The following ZNF395 variants were observed in gnomAD, a reference collection of about 807,000 sequenced individuals.
ZNF395 encodes the protein zinc finger protein 395.
In ZNF395, 20 loss-of-function variants were observed where a neutral mutation model predicts 57.7. The ratio of observed to expected loss-of-function variants is 0.35; its 90% CI spans 0.24 to 0.50. The LOEUF is 0.50. ZNF395 is among the 20% of genes least tolerant of loss of function. The probability of loss-of-function intolerance (pLI) is 0.97; values close to 1 mark genes in which losing one functional copy is unlikely to be tolerated. For missense variants in ZNF395, 606 were observed against 671.2 expected (o/e 0.90, Z 1.07); for synonymous variants, 295 against 275.9 (o/e 1.07, Z -0.69).
intron 1 of ZNF395, among the ~76,000 whole-genome samples, chr8:28,362,748 C>T (rs1347236945): frequency 2.0e-5 from 3 of 152,156 alleles, no homozygotes; most frequent in East Asian, 1.9e-4. Flanking sequence ...AAGGTATGTT[C>T]GCAAACATCT....
chr8:28,352,775 C>T lies in ZNF395; in HGVS notation c.820-102G>A, dbSNP rs773647130. Reference sequence around the variant, plus strand: ...AAACTGGCTGCTGTCCCCGGCCTGACCCAACAAAAACCTCCAGGAAAGGGG... The same window carrying T: ...AAACTGGCTGCTGTCCCCGGCCTGATCCAACAAAAACCTCCAGGAAAGGGG... On this transcript the variant is annotated intron_variant, in intron 5 of 9. Transcript: ENST00000344423. This position sits in a 1 kb window ranked among gnomAD's most constrained non-coding sequence, Gnocchi z 4.0. 35 of 1,007,178 alleles carry T rather than the reference C, an allele frequency of 3.5e-5. 1 individual carries two copies. The highest frequency in any genetic ancestry group is 2.6e-4 in the South Asian group (18 of 68,270). The allele number at this position is 1,007,178 out of a possible 1,614,324, so 62.4% of individuals were successfully genotyped here. A position where few individuals can be genotyped will look rare whatever the true frequency, so the allele number is the denominator to read the frequency against.
chr8:28,384,233 T>C lies in ZNF395; in HGVS notation c.-59+2160A>G, dbSNP rs1673803245. On this transcript the variant is annotated intron_variant, in intron 1 of 9. Coordinates refer to ENST00000344423, the MANE Select transcript of ZNF395 (RefSeq NM_018660.3). ...TCTCCTTAGGACACACAGGGTGGCATGCAATCACCAAAAGGGCTAAGACTT... is the reference window on the plus strand; with the variant it reads ...TCTCCTTAGGACACACAGGGTGGCACGCAATCACCAAAAGGGCTAAGACTT... Among the ~76,000 whole-genome samples the C allele has an allele frequency of 2.0e-5, 3 of 152,154 alleles. No homozygotes were observed. In the East Asian group the frequency reaches 5.8e-4, roughly 29 times the overall value.
intron 1 of ZNF395, among the ~76,000 whole-genome samples, chr8:28,372,546 G>A (rs916444157): frequency 2.6e-5 from 4 of 152,214 alleles, no homozygotes; most frequent in African/African-American, 9.6e-5. Flanking sequence ...CCAGCACTTC[G>A]GGAGGCCGAG....
intron 1 of ZNF395, among the ~76,000 whole-genome samples, chr8:28,369,789 G>GCAGAAAAAGCCCAGCGTCTTTAAACATAT: frequency 6.6e-6 from 1 of 152,358 alleles, no homozygotes; most frequent in Non-Finnish European, 1.5e-5. Context: ...GGGCCCCAGA[G>GCAGAAAAAGCCCAGCGTCTTTAAACATAT]CAGAAAAAGC....
At chr8:28,381,582 C>T (rs1252763318) in intron 1 of ZNF395, among the ~76,000 whole-genome samples, 1 of 152,308 alleles carries the variant, frequency 6.6e-6, no homozygotes, top group East Asian at 1.9e-4. Context: ...AGCTCTTAGT[C>T]TTGGGTGGTA....
chr8:28,373,465 GAAC>G (rs906723459), intron 1 of ZNF395, among the ~76,000 whole-genome samples: 4 of 152,036 alleles, frequency 2.6e-5, no homozygotes, highest in African/African-American at 9.7e-5. Context: ...TGCCTTTAAA[GAAC>G]ATCATGCTTC....
chr8:28,368,069 G>A (rs977322534), intron 1 of ZNF395, among the ~76,000 whole-genome samples: 5 of 152,176 alleles, frequency 3.3e-5, no homozygotes, highest in African/African-American at 7.2e-5. Flanking sequence ...CAGGGGCAGC[G>A]TGCAGTGTGG....
intron 7 of ZNF395, 109 bp from the exon 8 acceptor site, chr8:28,350,265 G>A (rs1398621827): frequency 2.2e-6 from 2 of 904,942 alleles, no homozygotes; most frequent in South Asian, 1.6e-5. Flanking sequence ...CTCTGCGTAA[G>A]TGCAATGACC....
At chr8:28,373,665 C>T (rs1017550503) in intron 1 of ZNF395, among the ~76,000 whole-genome samples, 5 of 152,080 alleles carry the variant, frequency 3.3e-5, no homozygotes, top group African/African-American at 1.2e-4. Flanking sequence ...TATCAACATA[C>T]GGGTCAAAGT....
chr8:28,370,313 T>C (rs913683386), intron 1 of ZNF395, among the ~76,000 whole-genome samples: 5 of 152,018 alleles, frequency 3.3e-5, no homozygotes, highest in African/African-American at 9.7e-5. Flanking sequence ...TCGGGGAAGA[T>C]TTAAATACAT....
At chr8:28,383,681 T>C (rs904556643) in intron 1 of ZNF395, among the ~76,000 whole-genome samples, 3 of 152,088 alleles carry the variant, frequency 2.0e-5, no homozygotes, top group African/African-American at 7.2e-5. Flanking sequence ...GTTCAGGCCT[T>C]GAGTACCACT....
At position 28,352,546 on chromosome 8, in the gene ZNF395, G is replaced by A. The variant is rs1413492956; in HGVS notation, c.920+27C>T. ...GGAGGGACACCCACACGCGACCCTA[G>A]GCTAGAGGCCCTGGGCTCGCACATA... On this transcript the variant is annotated intron_variant, in intron 6 of 9. Coordinates refer to ENST00000344423, the MANE Select transcript of ZNF395 (RefSeq NM_018660.3). The surrounding 1 kb of genome is among the most constrained non-coding windows in gnomAD (Gnocchi z 4.0). 6.2e-7 allele frequency: 1 copy of A among 1,607,562 alleles called. No individual in the cohort carries two copies. The highest frequency in any genetic ancestry group is 1.1e-5 in the South Asian group (1 of 90,956).
At chr8:28,365,678 T>A (rs534819229) in intron 1 of ZNF395, among the ~76,000 whole-genome samples, 1 of 152,312 alleles carries the variant, frequency 6.6e-6, no homozygotes, top group South Asian at 2.1e-4. Context: ...CCCTCTTGTG[T>A]TCCTCACTCC....
chr8:28,349,290 TAA>T, intron 8 of ZNF395, 62 bp from the exon 9 acceptor site: 1 of 1,372,148 alleles, frequency 7.3e-7, no homozygotes, highest in Non-Finnish European at 9.7e-7. Flanking sequence ...GGAGCTATCC[TAA>T]AAGACAGGCA....
intron 1 of ZNF395, among the ~76,000 whole-genome samples, chr8:28,383,665 C>A (rs1563344586): frequency 6.6e-6 from 1 of 151,998 alleles, no homozygotes; most frequent in Non-Finnish European, 1.5e-5. Flanking sequence ...AAACAGAAGC[C>A]CCTCGGTTCA....
intron 4 of ZNF395, among the ~76,000 whole-genome samples, chr8:28,354,945 A>G (rs1239516858): frequency 6.6e-6 from 1 of 151,828 alleles, no homozygotes; most frequent in African/African-American, 2.4e-5. Context: ...GCCCTTCCCT[A>G]TAGGAACCAC....
In ZNF395 at chr8:28,356,640, C is replaced by T. The variant is rs1189641439; in HGVS notation, c.583+30G>A. 1.3e-6 allele frequency: 2 copies of T among 1,585,130 alleles called. No individual in the cohort carries two copies. Among genetic ancestry groups the T allele is most frequent in the African/African-American group, 2.7e-5 (2 of 74,398 alleles). On this transcript the variant is annotated intron_variant, in intron 4 of 9. Transcript: ENST00000344423. This position sits in a 1 kb window ranked among gnomAD's most constrained non-coding sequence, Gnocchi z 4.0. ...TGTTTGTCGTGGGCCTCTACCATGC[C>T]CAGAACCCAGCTGGGCCCCGCTTGC... is the stretch of plus-strand genomic sequence containing the variant.
intron 1 of ZNF395, among the ~76,000 whole-genome samples, chr8:28,374,317 C>G (rs1163413225): frequency 6.6e-6 from 1 of 152,176 alleles, no homozygotes; most frequent in African/African-American, 2.4e-5. Flanking sequence ...ATCTGAAGAA[C>G]AGCAAGTCCA....
At chr8:28,381,615 G>T (rs1802110942) in intron 1 of ZNF395, among the ~76,000 whole-genome samples, 1 of 152,202 alleles carries the variant, frequency 6.6e-6, no homozygotes, top group Admixed American at 6.5e-5. Flanking sequence ...CTAGGTCACA[G>T]AGTCCTGAAC....
Sources: gnomAD v4.1 joint callset for allele counts (sites outside exome capture counted in the v4.1 genomes callset) on GRCh38, gnomAD v4.1.1 for gene constraint, Gnocchi (gnomAD v3.1) non-coding constraint, MANE v1.5 for transcripts, NCBI Gene and HGNC (gene_info 2026-07-23, HGNC 2026-07-21) for gene names.